The following KRT82 variants were observed in gnomAD, a reference collection of about 807,000 sequenced individuals.
The protein encoded by KRT82 is keratin, type II cuticular Hb2.
A neutral mutation model predicts 48.0 loss-of-function variants in KRT82; 44 were observed. The ratio of observed to expected loss-of-function variants is 0.92; its 90% CI spans 0.72 to 1.18. The LOEUF (loss-of-function observed/expected upper bound fraction) is 1.18. Ranked by LOEUF, KRT82 falls within the 50% of genes most tolerant of loss-of-function variation. The probability of loss-of-function intolerance (pLI) is 0.00; values close to 1 mark genes in which losing one functional copy is unlikely to be tolerated. For synonymous variants in KRT82, 297 were observed against 278.3 expected, an observed-to-expected ratio of 1.07 and a Z score of -0.67; for missense variants, 701 against 671.4, an observed-to-expected ratio of 1.04 and a Z score of -0.49.
rs1046629858 is a variant in KRT82, at chr12:52,405,959, G to T, written c.319C>A (p.Leu107Met). Reference sequence around the variant, plus strand: ...CTCTGCACAGTCGGGTCTATCTCCAGTGCCAGTGGGACCAGCAGGCTCTCA... The same window carrying T: ...CTCTGCACAGTCGGGTCTATCTCCATTGCCAGTGGGACCAGCAGGCTCTCA... ...INESLLVPLA[L>M]EIDPTVQRVK... Residue 107 changes from leucine to methionine, a missense_variant, in exon 1 of 9, where the codon CTG (leucine) becomes ATG (methionine). Leu to Met is a conservative substitution (Grantham distance 15). Coordinates refer to ENST00000257974, the MANE Select transcript of KRT82 (RefSeq NM_033033.4). 7 of 1,614,234 alleles carry T rather than the reference G, an allele frequency of 4.3e-6. No individual in the cohort carries two copies. The highest frequency in any genetic ancestry group is 5.9e-6 in the Non-Finnish European group (7 of 1,180,036).
chr12:52,404,254 A>G (rs1056217517), intron 1 of KRT82, among the ~76,000 whole-genome samples: 2 of 152,104 alleles, frequency 1.3e-5, no homozygotes, highest in African/African-American at 4.8e-5. Flanking sequence ...TTCAAGCCTC[A>G]CTTTGCTTCC....
rs369609639 is a variant in KRT82, at chr12:52,399,848, G to T, written c.942+137C>A. The T allele has an allele frequency of 3.5e-5, 31 of 875,954 alleles. 1 individual carries two copies. The South Asian group carries it at 3.7e-4, about 11-fold the overall frequency. 54.3% of individuals were successfully genotyped at this position (875,954 alleles called of 1,614,324 possible). A position where few individuals can be genotyped will look rare whatever the true frequency, so the allele number is the denominator to read the frequency against. ...AGAAACAACAGCAGCTGGGCTTTAT[G>T]GGATTCCCTGTGTCTGTGGCATGGC... On this transcript the variant is annotated intron_variant, in intron 5 of 8. Transcript: ENST00000257974.
intron 8 of KRT82, 64 bp downstream of exon 8, chr12:52,395,695 G>T: frequency 7.9e-7 from 1 of 1,264,218 alleles, no homozygotes; most frequent in Non-Finnish European, 1.1e-6. Flanking sequence ...GGTGTGGGCT[G>T]CCTGTGTTGG....
intron 6 of KRT82, among the ~76,000 whole-genome samples, chr12:52,396,662 A>G (rs1939719988): frequency 6.6e-6 from 1 of 152,108 alleles, no homozygotes; most frequent in Non-Finnish European, 1.5e-5. Flanking sequence ...GACATTGGTC[A>G]CCTCGTTTCT....
rs756967652 is a variant in KRT82 at position 52,396,161 on chromosome 12, G to A, written c.1140C>T (p.Cys380=). The change falls in exon 7 of 9, where the codon TGC becomes TGT. Residue 380 remains cysteine, a synonymous_variant. Coordinates refer to ENST00000257974, the MANE Select transcript of KRT82 (RefSeq NM_033033.4). ...GAGCCTCCTCCAGCCCTGCCAGCTT[G>A]CACTTGGCATCATTGAGAGCCGCCT... ...QGEAALNDAK[C]KLAGLEEALQ... The A allele has an allele frequency of 6.2e-7, 1 of 1,614,178 alleles. No homozygotes were observed. The highest frequency in any genetic ancestry group is 8.5e-7 in the Non-Finnish European group (1 of 1,180,042).
At position 52,406,020 on chromosome 12, in the gene KRT82, A is replaced by C. The variant is rs1007708117; in HGVS notation, c.258T>G (p.Cys86Trp). The C allele has an allele frequency of 6.2e-7, 1 of 1,614,060 alleles. No homozygotes were observed. Among genetic ancestry groups the C allele is most frequent in the African/African-American group, 1.3e-5 (1 of 74,920 alleles). Reference sequence around the variant, plus strand: ...CAGGGGTGATGCAGGCAGAAGGCCCACAGGTGGCTCCCAGTCGGTACCCGA... The same window carrying C: ...CAGGGGTGATGCAGGCAGAAGGCCCCCAGGTGGCTCCCAGTCGGTACCCGA... Reference protein sequence around the residue: ...PGFGYRLGATCGPSACITPVT... With the variant: ...PGFGYRLGATWGPSACITPVT... The change falls in exon 1 of 9, where the codon TGT (cysteine) becomes TGG (tryptophan). Residue 86 changes from cysteine to tryptophan, a missense_variant. By Grantham distance (215) the Cys-to-Trp change is radical. Coordinates refer to ENST00000257974, the MANE Select transcript of KRT82 (RefSeq NM_033033.4).
In KRT82 at chr12:52,406,154, C is replaced by T. The variant is rs950122678; in HGVS notation, c.124G>A (p.Gly42Ser). 2 of 1,613,248 alleles carry T rather than the reference C, an allele frequency of 1.2e-6. No individual in the cohort carries two copies. The highest frequency in any genetic ancestry group is 1.7e-5 in the Admixed American group (1 of 59,992). The change falls in exon 1 of 9, where the codon GGT becomes AGT. Residue 42 changes from glycine to serine, a missense_variant. Gly to Ser is a moderately conservative substitution (Grantham distance 56). Transcript: ENST00000257974. Reference protein sequence around the residue: ...AVSKGPCRPGGGRGLRALGCL... With the variant: ...AVSKGPCRPGSGRGLRALGCL... ...CCCAGAGCTCGGAGGCCCCTACCAC[C>T]CCCGGGCCGGCATGGCCCCTTGCTC...
intron 5 of KRT82, 127 bp from the exon 6 acceptor site, chr12:52,397,135 T>C: frequency 8.3e-7 from 1 of 1,198,348 alleles, no homozygotes; most frequent in South Asian, 1.5e-5. Context: ...CTCATACTGG[T>C]TCTGCTCCTT....
At position 52,403,778 on chromosome 12, in the gene KRT82, G is replaced by A; in HGVS notation, c.543C>T (p.Asp181=). 1.2e-6 allele frequency: 2 copies of A among 1,613,606 alleles called. No homozygotes were observed. Among genetic ancestry groups the A allele is most frequent in the Non-Finnish European group, 1.7e-6 (2 of 1,180,028 alleles). Residue 181 remains aspartate, a synonymous_variant, in exon 2 of 9, where the codon GAC becomes GAT. Coordinates refer to ENST00000257974, the MANE Select transcript of KRT82 (RefSeq NM_033033.4). The part of the protein sequence containing the change: ...GYISALRRQL[D]CVSGDRVRLE... ...GCCTCACGCGGTCCCCGGACACACA[G>A]TCCAGCTGCCGCCGAAGGGCGCTGA...
At chr12:52,405,729 G>A (rs184405679) in intron 1 of KRT82, 138 bp downstream of exon 1, 94 of 773,250 alleles carry the variant, frequency 1.2e-4, no homozygotes, top group East Asian at 1.0e-3. Context: ...GCTGGTGGTC[G>A]TGGAATGTGA....
Position 52,400,629 on chromosome 12 carries a change from C to G in KRT82, c.682-7G>C. 1 of 1,605,930 alleles carries G rather than the reference C, an allele frequency of 6.2e-7. No homozygotes were observed. The highest frequency in any genetic ancestry group is 8.5e-7 in the Non-Finnish European group (1 of 1,172,776). ...GGAAGGCTGTGTCCACGTCCTGCAG[C>G]AGAGCAGGGACAGAATGTGACCTGG... On this transcript the variant is annotated splice_region_variant and splice_polypyrimidine_tract_variant and intron_variant, in intron 3 of 8. Coordinates refer to ENST00000257974, the MANE Select transcript of KRT82 (RefSeq NM_033033.4).
intron 6 of KRT82, among the ~76,000 whole-genome samples, chr12:52,396,664 C>T (rs997264372): frequency 1.3e-5 from 2 of 152,182 alleles, no homozygotes; most frequent in Non-Finnish European, 2.9e-5. Context: ...CATTGGTCAC[C>T]TCGTTTCTGT....
chr12:52,402,124 A>C (rs1253792521), intron 2 of KRT82: 3 of 152,222 alleles, frequency 2.0e-5, no homozygotes, highest in Admixed American at 1.3e-4. Flanking sequence ...CAGCTTCGTC[A>C]TCCATAGAAT....
rs747285781 is a variant in KRT82, at chr12:52,399,946, A to T, written c.942+39T>A. The T allele has an allele frequency of 1.9e-6, 3 of 1,594,940 alleles. No homozygotes were observed. In the South Asian group the frequency reaches 3.3e-5, roughly 18 times the overall value. On this transcript the variant is annotated intron_variant, in intron 5 of 8. Transcript: ENST00000257974. Reference sequence around the variant, plus strand: ...GGGTCCTCCCCTCCCCTGGTTTGTCACCTCTCCAGTCTCCCTGCCCCCAAC... The same window carrying T: ...GGGTCCTCCCCTCCCCTGGTTTGTCTCCTCTCCAGTCTCCCTGCCCCCAAC...
Position 52,395,745 on chromosome 12 carries a change from G to A in KRT82, c.1321+14C>T. On this transcript the variant is annotated intron_variant, in intron 8 of 8. Coordinates refer to ENST00000257974, the MANE Select transcript of KRT82 (RefSeq NM_033033.4). ...AAGACTCCAGAGCCAGTGGGGCATG[G>A]CTCATCTACTTACAGATATTCACGG... 1 of 1,558,722 alleles carries A rather than the reference G, an allele frequency of 6.4e-7. No individual in the cohort carries two copies. The highest frequency in any genetic ancestry group is 1.4e-5 in the African/African-American group (1 of 72,372).
At chr12:52,400,383 G>T in intron 4 of KRT82, 144 bp downstream of exon 4, 1 of 719,792 alleles carries the variant, frequency 1.4e-6, no homozygotes, top group Non-Finnish European at 2.3e-6. Context: ...ACTTCTGTGA[G>T]TCTCACCGCC....
Position 52,396,882 on chromosome 12 carries a change from C to T in KRT82, c.1068+1G>A. On this transcript the variant is annotated splice_donor_variant, in intron 6 of 8. Coordinates refer to ENST00000257974, the MANE Select transcript of KRT82 (RefSeq NM_033033.4). LOFTEE classifies it high-confidence loss of function. ...AGCAAGGAAGTCCTCCCCAGCCTCACCTGGGCTTTGACATTCTCGGTTTCT... is the reference window on the plus strand; with the variant it reads ...AGCAAGGAAGTCCTCCCCAGCCTCATCTGGGCTTTGACATTCTCGGTTTCT... The T allele has an allele frequency of 1.2e-6, 2 of 1,613,984 alleles. No individual in the cohort carries two copies. Among genetic ancestry groups the T allele is most frequent in the Non-Finnish European group, 8.5e-7 (1 of 1,180,000 alleles).
Position 52,395,172 on chromosome 12 carries a change from A to C in KRT82, c.1345T>G (p.Phe449Val). 6.2e-7 allele frequency: 1 copy of C among 1,613,928 alleles called. No individual in the cohort carries two copies. Residue 449 changes from phenylalanine (F) to valine (V), a missense_variant, in exon 9 of 9, where the codon TTC (phenylalanine) becomes GTC (valine). Physicochemically the swap from Phe to Val is conservative, Grantham distance 50. Transcript: ENST00000257974. Reference protein sequence around the residue: ...NISVSSSKGAFLYEPCGVSTP... With the variant: ...NISVSSSKGAVLYEPCGVSTP... ...CTGACCCCACATGGCTCGTACAGGA[A>C]GGCGCCTTTGGAGCTGCTCACTGCT...
rs763501001 is a variant in KRT82 at position 52,406,082 on chromosome 12, G to A, written c.196C>T (p.Arg66Trp). ...SLCNVGFGRP[R>W]VASRCGGTLP... is the part of the protein sequence containing the mutation. Reference sequence around the variant, plus strand: ...GTACCTCCACACCTGGAGGCTACCCGGGGCCTCCCAAAGCCCACGTTGCAC... The same window carrying A: ...GTACCTCCACACCTGGAGGCTACCCAGGGCCTCCCAAAGCCCACGTTGCAC... The change falls in exon 1 of 9, where the codon CGG (arginine) becomes TGG (tryptophan). Residue 66 changes from arginine to tryptophan, a missense_variant. Arg to Trp is a moderately radical substitution (Grantham distance 101). Transcript: ENST00000257974. 2.5e-5 allele frequency: 40 copies of A among 1,613,332 alleles called. No homozygotes were observed. The highest frequency in any genetic ancestry group is 1.3e-4 in the Admixed American group (8 of 59,982).
Sources: allele counts gnomAD v4.1 joint callset (sites outside exome capture counted in the v4.1 genomes callset), GRCh38; gene constraint gnomAD v4.1.1; transcripts MANE v1.5; gene names NCBI Gene and HGNC (gene_info 2026-07-23, HGNC 2026-07-21).